NPAT: variants seen among roughly 807,000 people sequenced by gnomAD.
NPAT encodes protein NPAT.
A neutral mutation model predicts 130.7 loss-of-function variants in NPAT; 52 were observed. The observed-to-expected ratio is 0.40, with a 90% CI of 0.32 to 0.50. NPAT has a LOEUF of 0.50. Ranked by LOEUF, NPAT falls within the 20% of genes least tolerant of loss-of-function variation. NPAT has a pLI of 0.68. For synonymous variants in NPAT, 580 were observed against 584.8 expected (o/e 0.99, Z 0.12); for missense variants, 1,687 against 1,662.6 (o/e 1.01, Z -0.26).
In NPAT at chr11:108,201,694, A is replaced by C. The variant is rs188922022; in HGVS notation, c.38-4274T>G. Among the ~76,000 whole-genome samples the C allele has an allele frequency of 2.0e-5, 3 of 152,350 alleles. No individual in the cohort carries two copies. In the East Asian group the frequency reaches 5.8e-4, roughly 29 times the overall value. On this transcript the variant is annotated intron_variant, in intron 1 of 17. Coordinates refer to ENST00000278612, the MANE Select transcript of NPAT (RefSeq NM_002519.3). The stretch of plus-strand genomic sequence containing the variant: ...TATAACGTAACCATTTATACTCCAC[A>C]TAATGTGGCAGGACTGCTGTTCTCT...
chr11:108,194,286 T>C (rs1250369379), intron 2 of NPAT, among the ~76,000 whole-genome samples: 2 of 152,194 alleles, frequency 1.3e-5, no homozygotes, highest in South Asian at 2.1e-4. Context: ...CAGCTATACA[T>C]ACATGTACAA....
intron 5 of NPAT, 85 bp from the exon 6 acceptor site, chr11:108,189,415 T>C (rs1473692124): frequency 3.7e-6 from 4 of 1,084,720 alleles, no homozygotes; most frequent in Admixed American, 3.4e-5. Flanking sequence ...CAACCTATTA[T>C]ATAACAACGT....
intron 1 of NPAT, among the ~76,000 whole-genome samples, chr11:108,197,656 G>A (rs564830668): frequency 2.0e-5 from 3 of 152,264 alleles, no homozygotes; most frequent in African/African-American, 7.2e-5. Flanking sequence ...AAAATAAAGT[G>A]TTTAACAAAG....
Position 108,173,476 on chromosome 11 carries a change from T to C in NPAT, c.1508A>G (p.Asp503Gly), listed in dbSNP as rs1368667813. The change falls in exon 13 of 18, where the codon GAT becomes GGT. Residue 503 changes from aspartate to glycine, a missense_variant. This residue lies in a region of NPAT where 1,379 missense variants were observed against 1,346.6 expected (regional missense o/e 1.02). Coordinates refer to ENST00000278612, the MANE Select transcript of NPAT (RefSeq NM_002519.3). The part of the protein sequence containing the change: ...NVPSESQLQP[D>G]QPDIPITSFV... ...TGAAGTTATTGGTATATCAGGCTGA[T>C]CAGGCTGTAACTGAGATTCACTCGG... The C allele has an allele frequency of 1.9e-6, 3 of 1,614,082 alleles. No homozygotes were observed. Among genetic ancestry groups the C allele is most frequent in the Admixed American group, 1.7e-5 (1 of 60,008 alleles).
At chr11:108,207,367 C>T (rs548706636) in intron 1 of NPAT, among the ~76,000 whole-genome samples, 1 of 152,354 alleles carries the variant, frequency 6.6e-6, no homozygotes, top group South Asian at 2.1e-4. Context: ...GGTGTGGCTT[C>T]ACCAGGGGCC....
rs1217251394 is a variant in NPAT, at chr11:108,161,428, C to T, written c.3658G>A (p.Val1220Ile). 3.7e-6 allele frequency: 6 copies of T among 1,614,100 alleles called. No homozygotes were observed. Among genetic ancestry groups the T allele is most frequent in the Non-Finnish European group, 5.1e-6 (6 of 1,180,046 alleles). ...TTCACAGCTGTACCTACTGAAAGTACATTTTTATTGTTTGAAGATGTGCCT... is the reference window on the plus strand; with the variant it reads ...TTCACAGCTGTACCTACTGAAAGTATATTTTTATTGTTTGAAGATGTGCCT... ...KQGTSSNNKN[V>I]LSVGTAVKDL... The change falls in exon 17 of 18, where the codon GTA becomes ATA. Residue 1220 changes from valine (V) to isoleucine (I), a missense_variant. Transcript: ENST00000278612.
intron 13 of NPAT, among the ~76,000 whole-genome samples, chr11:108,170,712 C>T (rs1433650281): frequency 1.3e-5 from 2 of 152,206 alleles, no homozygotes; most frequent in African/African-American, 4.8e-5. Context: ...GTCTCTCTGT[C>T]TATGCTGGTG....
At chr11:108,216,032 TA>T in intron 1 of NPAT, among the ~76,000 whole-genome samples, 1 of 152,234 alleles carries the variant, frequency 6.6e-6, no homozygotes. Context: ...CCGACCGTTA[TA>T]ATATTTGGAA....
At chr11:108,178,859 T>A (rs1296886917) in intron 10 of NPAT, among the ~76,000 whole-genome samples, 1 of 151,790 alleles carries the variant, frequency 6.6e-6, no homozygotes, top group Admixed American at 6.6e-5. Flanking sequence ...AGTGAGACTA[T>A]CTCAAAAAAA....
chr11:108,182,520 C>T (rs766846975), intron 10 of NPAT, among the ~76,000 whole-genome samples: 44 of 152,346 alleles, frequency 2.9e-4, no homozygotes, highest in Non-Finnish European at 5.7e-4. Flanking sequence ...AGTTCTGAAA[C>T]GGAGTCTCAC....
Position 108,161,134 on chromosome 11 carries a change from G to T in NPAT, c.3952C>A (p.Pro1318Thr), listed in dbSNP as rs1317638550. The stretch of plus-strand genomic sequence containing the variant: ...TTTTCACTTCCTGTTTCACTGGCAG[G>T]GCTGCAGGCAGGCAAGTCTGGGGTG... Reference protein sequence around the residue: ...PVTPDLPACSPASETGSENSV... With the variant: ...PVTPDLPACSTASETGSENSV... Residue 1318 changes from proline to threonine, a missense_variant, in exon 17 of 18, where the codon CCT becomes ACT. This residue lies in a region of NPAT where 1,379 missense variants were observed against 1,346.6 expected (regional missense o/e 1.02). Coordinates refer to ENST00000278612, the MANE Select transcript of NPAT (RefSeq NM_002519.3). 1 of 1,614,146 alleles carries T rather than the reference G, an allele frequency of 6.2e-7. No homozygotes were observed. The highest frequency in any genetic ancestry group is 8.5e-7 in the Non-Finnish European group (1 of 1,180,032).
Position 108,186,478 on chromosome 11 carries a change from T to C in NPAT, c.726+4A>G. ...AAGTTGCAAAGTTTGGCAGAGTCAC[T>C]TACTTTTTCTACTGCAAAAGCGTTT... On this transcript the variant is annotated splice_donor_region_variant and intron_variant, in intron 8 of 17. Coordinates refer to ENST00000278612, the MANE Select transcript of NPAT (RefSeq NM_002519.3). 1.2e-6 allele frequency: 2 copies of C among 1,612,480 alleles called. No individual in the cohort carries two copies. The highest frequency in any genetic ancestry group is 1.7e-6 in the Non-Finnish European group (2 of 1,178,532).
At chr11:108,203,771 A>C (rs564624311) in intron 1 of NPAT, among the ~76,000 whole-genome samples, 1 of 152,276 alleles carries the variant, frequency 6.6e-6, no homozygotes, top group South Asian at 2.1e-4. Context: ...ACAAGATTTA[A>C]TTTCTTTCAC....
chr11:108,198,211 G>C (rs1207012781), intron 1 of NPAT, among the ~76,000 whole-genome samples: 1 of 152,070 alleles, frequency 6.6e-6, no homozygotes, highest in African/African-American at 2.4e-5. Flanking sequence ...AAACATGGAA[G>C]AAGAAAAATC....
At position 108,172,570 on chromosome 11, in the gene NPAT, C is replaced by T. The variant is rs1241607877; in HGVS notation, c.2414G>A (p.Gly805Glu). Reference protein sequence around the residue: ...TVGAVVYAEVGDSASMEQSLL... With the variant: ...TVGAVVYAEVEDSASMEQSLL... ...ACTCTGTTCCATTGAGGCTGAATCC[C>T]CTACTTCGGCATATACAACAGCACC... The change falls in exon 13 of 18, where the codon GGG (glycine) becomes GAG (glutamate). Residue 805 changes from glycine (G) to glutamate (E), a missense_variant. Transcript: ENST00000278612. 1 of 1,614,066 alleles carries T rather than the reference C, an allele frequency of 6.2e-7. No individual in the cohort carries two copies. The highest frequency in any genetic ancestry group is 8.5e-7 in the Non-Finnish European group (1 of 1,180,034).
At chr11:108,205,203 T>G (rs1299870244) in intron 1 of NPAT, among the ~76,000 whole-genome samples, 1 of 152,216 alleles carries the variant, frequency 6.6e-6, no homozygotes, top group East Asian at 1.9e-4. Context: ...GACTTGATAT[T>G]TACTTTGATT....
chr11:108,161,014 G>A lies in NPAT; in HGVS notation c.4072C>T (p.Gln1358Ter). Residue 1358 changes from glutamine to a stop codon, truncating the protein, a stop_gained, in exon 17 of 18, where the codon CAG (glutamine) becomes TAG (stop). Transcript: ENST00000278612. LOFTEE classifies it high-confidence loss of function. ...SATPLKDNTQ[Q>*]FRASSRSTTK... is the part of the protein sequence containing the mutation. The stretch of plus-strand genomic sequence containing the variant: ...GTGCTCCTTGAAGATGCTCTAAACT[G>A]TTGTGTGTTATCTTTCAGAGGAGTT... 6.2e-7 allele frequency: 1 copy of A among 1,614,164 alleles called. No individual in the cohort carries two copies. The highest frequency in any genetic ancestry group is 8.5e-7 in the Non-Finnish European group (1 of 1,180,018).
Position 108,174,258 on chromosome 11 carries a change from G to A in NPAT, c.1133-407C>T, listed in dbSNP as rs938683404. ...CCCAAAGTGCTGGGATCACAGGCAT[G>A]AGCCACCACACCCAACTTATCTGAC... On this transcript the variant is annotated intron_variant, in intron 12 of 17. Transcript: ENST00000278612. Among the ~76,000 whole-genome samples the A allele has an allele frequency of 2.0e-5, 3 of 152,028 alleles. No homozygotes were observed. In the South Asian group the frequency reaches 6.2e-4, roughly 32 times the overall value.
intron 10 of NPAT, among the ~76,000 whole-genome samples, chr11:108,178,205 T>C (rs914367000): frequency 3.9e-5 from 6 of 152,230 alleles, no homozygotes; most frequent in African/African-American, 1.2e-4. Context: ...TGCCAAAACC[T>C]ACCTCAAAAG....
Sources: gnomAD v4.1 joint callset for allele counts (sites outside exome capture counted in the v4.1 genomes callset) on GRCh38, gnomAD v4.1.1 for gene constraint, gnomAD v4.1.1 regional missense constraint, MANE v1.5 for transcripts, NCBI Gene and HGNC (gene_info 2026-07-23, HGNC 2026-07-21) for gene names.